Variants in DLC1 observed in about 807,000 individuals in gnomAD.
The protein encoded by DLC1 is rho GTPase-activating protein 7.
Under a neutral mutation model 140.3 loss-of-function variants are expected in DLC1, and 54 were observed. That is an observed-to-expected ratio of 0.38 (90% CI 0.31 to 0.48). The LOEUF (loss-of-function observed/expected upper bound fraction) is 0.48. Ranked by LOEUF, DLC1 falls within the 20% of genes least tolerant of loss-of-function variation. The pLI, the probability that DLC1 is intolerant of heterozygous loss-of-function variation, is 0.96. For missense variants in DLC1, 2,536 were observed against 1,907.0 expected (o/e 1.33, Z -6.14); for synonymous variants, 986 against 728.1 (o/e 1.35, Z -5.70).
At chr8:13,200,027 C>A (rs1364664523) in intron 5 of DLC1, among the ~76,000 whole-genome samples, 2 of 152,002 alleles carry the variant, frequency 1.3e-5, no homozygotes, top group Non-Finnish European at 2.9e-5. Context: ...CTCATAACAA[C>A]CCTATAAGAG....
chr8:13,405,926 T>TTTCC (rs1397668756), intron 2 of DLC1, among the ~76,000 whole-genome samples: 3 of 114,980 alleles, frequency 2.6e-5, no homozygotes, highest in African/African-American at 9.4e-5. Context: ...CTTTTCTTTC[T>TTTCC]TTCTTTCTTT....
intron 2 of DLC1, among the ~76,000 whole-genome samples, chr8:13,429,381 GCCACTATC>G (rs1838756214): frequency 6.6e-6 from 1 of 152,162 alleles, no homozygotes; most frequent in African/African-American, 2.4e-5. Flanking sequence ...TAAGTATCTG[GCCACTATC>G]CCCATACGGT....
intron 5 of DLC1, among the ~76,000 whole-genome samples, chr8:13,188,797 G>GTATATATATATATATATATATA (rs1222206415): frequency 1.3e-5 from 1 of 79,940 alleles, no homozygotes; most frequent in Non-Finnish European, 2.4e-5. Flanking sequence ...GTGTGTGTGT[G>GTATATATATATATATATATATA]TGTGTATATA....
At chr8:13,545,337 A>C (rs952523704) in intron 1 of DLC1, among the ~76,000 whole-genome samples, 5 of 150,578 alleles carry the variant, frequency 3.3e-5, no homozygotes, top group African/African-American at 1.2e-4. Flanking sequence ...ATATACTTTA[A>C]ATATAATATA....
intron 1 of DLC1, among the ~76,000 whole-genome samples, chr8:13,575,706 C>T (rs539601569): frequency 9.2e-5 from 14 of 152,182 alleles, no homozygotes; most frequent in South Asian, 4.1e-4. Flanking sequence ...CATAATAGTG[C>T]TCTCTCAGGC....
At chr8:13,554,477 A>G (rs1050431585) in intron 1 of DLC1, among the ~76,000 whole-genome samples, 1 of 152,130 alleles carries the variant, frequency 6.6e-6, no homozygotes, top group South Asian at 2.1e-4. Flanking sequence ...TTTAAAAGCC[A>G]TCTCAGAGGT....
chr8:13,394,492 G>A lies in DLC1; in HGVS notation c.1174-799C>T, dbSNP rs191539660. 2.0e-3 allele frequency among the ~76,000 whole-genome samples: 306 copies of A among 151,086 alleles called. 1 individual carries two copies. Among genetic ancestry groups the A allele is most frequent in the African/African-American group, 6.9e-3 (281 of 40,450 alleles). The stretch of plus-strand genomic sequence containing the variant: ...ACCTGGTAACCTCTGCAAAGGCTGC[G>A]CATTTAATATATCATATGCTTTCTT... On this transcript the variant is annotated intron_variant, in intron 3 of 17. Transcript: ENST00000276297.
intron 2 of DLC1, among the ~76,000 whole-genome samples, chr8:13,413,480 C>G (rs901425653): frequency 3.3e-5 from 4 of 122,998 alleles, no homozygotes; most frequent in African/African-American, 1.1e-4. Flanking sequence ...AATTATTTCT[C>G]TGTGTGTGTG....
At chr8:13,502,436 T>C (rs2117213895) in intron 1 of DLC1, among the ~76,000 whole-genome samples, 1 of 152,336 alleles carries the variant, frequency 6.6e-6, no homozygotes, top group East Asian at 1.9e-4. Flanking sequence ...CCATGTCATG[T>C]GGTCTGATAG....
At chr8:13,376,810 T>G (rs1836012631) in intron 4 of DLC1, among the ~76,000 whole-genome samples, 1 of 152,188 alleles carries the variant, frequency 6.6e-6, no homozygotes, top group Admixed American at 6.5e-5. Flanking sequence ...GAGCCAACAT[T>G]TAATCCTAGC....
chr8:13,317,443 A>G (rs1055696508), intron 4 of DLC1, among the ~76,000 whole-genome samples: 5 of 152,236 alleles, frequency 3.3e-5, no homozygotes, highest in Non-Finnish European at 7.3e-5. Context: ...TTGCTTTGCT[A>G]ACTAAACATT....
At chr8:13,216,958 G>A (rs942483012) in intron 5 of DLC1, among the ~76,000 whole-genome samples, 1 of 152,056 alleles carries the variant, frequency 6.6e-6, no homozygotes, top group African/African-American at 2.4e-5. Flanking sequence ...TGAGGCTGTG[G>A]GCAGCATGTT....
chr8:13,086,617 C>G (rs116575238), intron 16 of DLC1, among the ~76,000 whole-genome samples, 154 bp from the exon 17 acceptor site: 524 of 152,324 alleles, frequency 3.4e-3, no homozygotes, highest in African/African-American at 0.012. Flanking sequence ...ATCCTCTAAA[C>G]TACTTGCTAT....
intron 5 of DLC1, among the ~76,000 whole-genome samples, chr8:13,277,287 TG>T (rs1460115450): frequency 6.6e-6 from 1 of 152,124 alleles, no homozygotes; most frequent in Admixed American, 6.6e-5. Context: ...CTCTCCAGCC[TG>T]GGGGACAGAG....
At chr8:13,480,110 G>A (rs1045570768) in intron 2 of DLC1, among the ~76,000 whole-genome samples, 1 of 152,104 alleles carries the variant, frequency 6.6e-6, no homozygotes, top group Non-Finnish European at 1.5e-5. Flanking sequence ...AGACATCAGT[G>A]TGACATATAG....
intron 2 of DLC1, among the ~76,000 whole-genome samples, chr8:13,480,982 C>A (rs1800704638): frequency 2.6e-5 from 4 of 151,898 alleles, no homozygotes. Flanking sequence ...GGGGTTAGGA[C>A]CAAAGGCCAA....
chr8:13,473,171 A>G (rs1800288254), intron 2 of DLC1, among the ~76,000 whole-genome samples: 1 of 152,172 alleles, frequency 6.6e-6, no homozygotes, highest in African/African-American at 2.4e-5. Flanking sequence ...CTGCATGGAA[A>G]CAGGAAGACA....
At chr8:13,213,531 T>TA (rs1828046089) in intron 5 of DLC1, among the ~76,000 whole-genome samples, 1 of 152,204 alleles carries the variant, frequency 6.6e-6, no homozygotes, top group Admixed American at 6.5e-5. Context: ...TATGCTACTT[T>TA]AAAAAACACT....
At chr8:13,270,265 G>A (rs1830876761) in intron 5 of DLC1, among the ~76,000 whole-genome samples, 1 of 152,154 alleles carries the variant, frequency 6.6e-6, no homozygotes, top group South Asian at 2.1e-4. Flanking sequence ...TCTAGGTATT[G>A]TAATTACAGT....
Sources: gnomAD v4.1 joint callset for allele counts (sites outside exome capture counted in the v4.1 genomes callset) on GRCh38, gnomAD v4.1.1 for gene constraint, MANE v1.5 for transcripts, NCBI Gene and HGNC (gene_info 2026-07-23, HGNC 2026-07-21) for gene names.